Variants in DHRSX observed in about 807,000 individuals in gnomAD.
The protein encoded by DHRSX is polyprenol dehydrogenase.
DHRSX carries 31 observed loss-of-function variants against 34.0 expected under a neutral mutation model. The observed-to-expected ratio is 0.91, with a 90% confidence interval of 0.69 to 1.23. The LOEUF (loss-of-function observed/expected upper bound fraction) is 1.23. Among genes scored for constraint, DHRSX ranks in the 50% most tolerant of loss-of-function variants. DHRSX has a pLI of 0.00. For synonymous variants in DHRSX, 201 were observed against 183.8 expected, an observed-to-expected ratio of 1.09 and a Z score of -0.76; for missense variants, 414 against 428.1, an observed-to-expected ratio of 0.97 and a Z score of 0.29.
intron 1 of DHRSX, among the ~76,000 whole-genome samples, chrX:2,444,242 C>G (rs1210056210): frequency 6.6e-6 from 1 of 152,142 alleles, no homozygotes; most frequent in Non-Finnish European, 1.5e-5. Flanking sequence ...AATTTATTCA[C>G]ACATGAAATT....
intron 3 of DHRSX, among the ~76,000 whole-genome samples, chrX:2,326,440 T>C (rs1018028995): frequency 1.1e-4 from 16 of 152,222 alleles, no homozygotes; most frequent in African/African-American, 3.8e-4. Flanking sequence ...GGAGAATTGC[T>C]TGACCCTGGG....
At chrX:2,230,372 A>G (rs2015848233) in intron 6 of DHRSX, among the ~76,000 whole-genome samples, 1 of 152,122 alleles carries the variant, frequency 6.6e-6, no homozygotes, top group Non-Finnish European at 1.5e-5. Flanking sequence ...TCCTTTAACT[A>G]CAATCTCGTA....
intron 5 of DHRSX, among the ~76,000 whole-genome samples, chrX:2,256,656 G>A (rs1158055139): frequency 6.6e-6 from 1 of 152,058 alleles, no homozygotes; most frequent in Non-Finnish European, 1.5e-5. Flanking sequence ...TGGATTTTTG[G>A]AATATGTTAC....
At chrX:2,294,138 G>GA (rs967505574) in intron 3 of DHRSX, among the ~76,000 whole-genome samples, 2 of 151,734 alleles carry the variant, frequency 1.3e-5, no homozygotes, top group African/African-American at 4.8e-5. Context: ...GGGGAAGAGA[G>GA]AAAAAACACA....
In DHRSX at chrX:2,363,623, T is replaced by C. The variant is rs12840184; in HGVS notation, c.286+45122A>G. Among the ~76,000 whole-genome samples the C allele has an allele frequency of 3.1e-3, 434 of 137,890 alleles. 52 individuals are homozygous for C. The East Asian group carries it at 0.079, about 25-fold the overall frequency. The allele number at this position is 137,890 out of a possible 152,430, so 90.5% of individuals were successfully genotyped here. On this transcript the variant is annotated intron_variant, in intron 3 of 6. Transcript: ENST00000334651. ...TGGTATCATGCCTCCATTTTATCAC[T>C]GTTCTATGGTATCATGCCGCCATTT...
In DHRSX at chrX:2,304,023, TGATGGATGGATGGATG is replaced by T. The variant is rs745829295; in HGVS notation, c.287-12436_287-12421del. Among the ~76,000 whole-genome samples the T allele has an allele frequency of 2.4e-3, 161 of 67,902 alleles. 1 individual carries two copies. The highest frequency in any genetic ancestry group is 0.016 in the South Asian group (30 of 1,822). 44.5% of individuals were successfully genotyped at this position (67,902 alleles called of 152,430 possible). On this transcript the variant is annotated intron_variant, in intron 3 of 6. Transcript: ENST00000334651. ...TTGATGGATGGACGGATGGATGAAC[TGATGGATGGATGGATG>T]GATGGATGGATGGATGGATGGATGG...
In DHRSX at chrX:2,425,295, G is replaced by T. The variant is rs775850133; in HGVS notation, c.119C>A (p.Pro40Gln). ...RGGFLEPVFP[P>Q]RPDRVAIVTG... The stretch of plus-strand genomic sequence containing the variant: ...CACTATAGCGACACGGTCAGGTCGT[G>T]GGGGGAAAACTGAAAAAGAAGAAGA... The change falls in exon 2 of 7, where the codon CCA becomes CAA. Residue 40 changes from proline (P) to glutamine (Q), a missense_variant. Physicochemically the swap from Pro to Gln is moderately conservative, Grantham distance 76. Transcript: ENST00000334651. 1.7e-5 allele frequency: 27 copies of T among 1,612,710 alleles called. No individual in the cohort carries two copies. The Admixed American group carries it at 3.7e-4, about 22-fold the overall frequency.
At position 2,294,970 on chromosome X, in the gene DHRSX, G is replaced by A. The variant is rs143199705; in HGVS notation, c.287-3367C>T. ...GGAGAAATAGGAACATTTTTACACC[G>A]TTGGTAGGAGTGTAAATTAGTTCAA... On this transcript the variant is annotated intron_variant, in intron 3 of 6. Coordinates refer to ENST00000334651, the MANE Select transcript of DHRSX (RefSeq NM_145177.3). Among the ~76,000 whole-genome samples the A allele has an allele frequency of 3.9e-3, 599 of 152,292 alleles. 2 individuals carry two copies. Among genetic ancestry groups the A allele is most frequent in the Non-Finnish European group, 6.2e-3 (424 of 68,026 alleles).
At chrX:2,490,461 G>A (rs199576271) in intron 1 of DHRSX, 3 of 1,613,968 alleles carry the variant, frequency 1.9e-6, no homozygotes, top group Non-Finnish European at 2.5e-6. Context: ...AAGGCTTCAC[G>A]CATCTGCTCC....
intron 5 of DHRSX, among the ~76,000 whole-genome samples, chrX:2,247,558 G>A (rs2016326978): frequency 6.6e-6 from 1 of 150,780 alleles, no homozygotes; most frequent in Admixed American, 6.6e-5. Context: ...GGAAGCTGAG[G>A]CAGGAGAATG....
At chrX:2,349,861 A>C in intron 3 of DHRSX, among the ~76,000 whole-genome samples, 1 of 145,704 alleles carries the variant, frequency 6.9e-6, no homozygotes, top group Admixed American at 7.1e-5. Context: ...ACAGGGTGAA[A>C]CCCCGTTTCC....
chrX:2,438,516 A>T (rs1381031319), intron 1 of DHRSX, among the ~76,000 whole-genome samples: 1 of 151,862 alleles, frequency 6.6e-6, no homozygotes, highest in African/African-American at 2.4e-5. Context: ...ACTAAAAATT[A>T]AAAAATTAGC....
intron 3 of DHRSX, chrX:2,392,473 C>A: frequency 3.4e-6 from 1 of 291,410 alleles, no homozygotes; most frequent in South Asian, 3.3e-5. Flanking sequence ...AGACTCACGT[C>A]TCTTAAAAAA....
chrX:2,489,086 T>C, intron 1 of DHRSX: 2 of 1,613,864 alleles, frequency 1.2e-6, no homozygotes, highest in Non-Finnish European at 8.5e-7. Flanking sequence ...CAGCATGTTG[T>C]TGATGACGCT....
At chrX:2,485,179 C>G (rs1482299599) in intron 1 of DHRSX, among the ~76,000 whole-genome samples, 1 of 152,110 alleles carries the variant, frequency 6.6e-6, no homozygotes, top group African/African-American at 2.4e-5. Context: ...GGATGAGAAC[C>G]GTCGGGGTTA....
Position 2,411,079 on chromosome X carries a change from C to G in DHRSX, c.218-2266G>C, listed in dbSNP as rs1369458796. On this transcript the variant is annotated intron_variant, in intron 2 of 6. Coordinates refer to ENST00000334651, the MANE Select transcript of DHRSX (RefSeq NM_145177.3). ...AAGGTATATTCCATCTATAAATGTCCTATGCATCAAACACAAAACAAAAAA... is the reference window on the plus strand; with the variant it reads ...AAGGTATATTCCATCTATAAATGTCGTATGCATCAAACACAAAACAAAAAA... Among the ~76,000 whole-genome samples, 7 of 152,138 alleles carry G rather than the reference C, an allele frequency of 4.6e-5. No homozygotes were observed. The East Asian group carries it at 1.4e-3, about 29-fold the overall frequency.
At chrX:2,293,806 A>AGTGT (rs763123318) in intron 3 of DHRSX, among the ~76,000 whole-genome samples, 7 of 151,816 alleles carry the variant, frequency 4.6e-5, no homozygotes, top group African/African-American at 1.7e-4. Context: ...GAGGATAAGC[A>AGTGT]GTGTGTGTGT....
intron 3 of DHRSX, among the ~76,000 whole-genome samples, chrX:2,344,914 T>C (rs1003402610): frequency 1.0e-3 from 128 of 122,786 alleles, no homozygotes; most frequent in South Asian, 1.8e-3. Flanking sequence ...TATATATATA[T>C]ACTGTATTTA....
At chrX:2,331,005 G>A (rs1033101221) in intron 3 of DHRSX, among the ~76,000 whole-genome samples, 1 of 152,184 alleles carries the variant, frequency 6.6e-6, no homozygotes, top group Non-Finnish European at 1.5e-5. Context: ...AAACTTAGCA[G>A]AAGGGAGAAC....
Sources: allele counts gnomAD v4.1 joint callset (sites outside exome capture counted in the v4.1 genomes callset), GRCh38; gene constraint gnomAD v4.1.1; transcripts MANE v1.5; gene names NCBI Gene and HGNC (gene_info 2026-07-23, HGNC 2026-07-21).